DOCK7: variants seen among roughly 807,000 people sequenced by gnomAD.
DOCK7 encodes the protein dedicator of cytokinesis protein 7.
A neutral mutation model predicts 271.0 loss-of-function variants in DOCK7; 138 were observed. The ratio of observed to expected loss-of-function variants is 0.51; its 90% CI spans 0.44 to 0.59. DOCK7 has a LOEUF of 0.59. DOCK7 is among the 20% of genes least tolerant of loss of function. The probability of loss-of-function intolerance (pLI) is 0.00; values close to 1 mark genes in which losing one functional copy is unlikely to be tolerated. For synonymous variants in DOCK7, 823 were observed against 876.1 expected (o/e 0.94, Z 1.07); for missense variants, 2,066 against 2,592.4 (o/e 0.80, Z 4.41).
At position 62,637,358 on chromosome 1, in the gene DOCK7, T is replaced by C. The variant is rs538769675; in HGVS notation, c.819-755A>G. Among the ~76,000 whole-genome samples, 3 of 152,300 alleles carry C rather than the reference T, an allele frequency of 2.0e-5. 1 individual carries two copies. The highest frequency in any genetic ancestry group is 7.2e-5 in the African/African-American group (3 of 41,568). Reference sequence around the variant, plus strand: ...TAAATATTTGTTGAATGAAATAATATATAATGTGAGGTTAACTAAAACTCT... The same window carrying C: ...TAAATATTTGTTGAATGAAATAATACATAATGTGAGGTTAACTAAAACTCT... On this transcript the variant is annotated intron_variant, in intron 7 of 49. Coordinates refer to ENST00000635253, the MANE Select transcript of DOCK7 (RefSeq NM_001367561.1).
At chr1:62,497,472 A>T (rs891781454) in intron 37 of DOCK7, among the ~76,000 whole-genome samples, 4 of 152,090 alleles carry the variant, frequency 2.6e-5, no homozygotes, top group African/African-American at 9.7e-5. Context: ...TTGATTATCT[A>T]AAAAAGTGAT....
chr1:62,670,782 A>G (rs1659895465), intron 1 of DOCK7, among the ~76,000 whole-genome samples: 1 of 152,204 alleles, frequency 6.6e-6, no homozygotes, highest in Non-Finnish European at 1.5e-5. Flanking sequence ...TCTACCAATC[A>G]GCAGGATGTG....
At chr1:62,494,146 C>T (rs2149298199) in intron 40 of DOCK7, 129 bp downstream of exon 40, 1 of 736,938 alleles carries the variant, frequency 1.4e-6, no homozygotes. Flanking sequence ...AATGTTAATT[C>T]ACCTTGTGAA....
intron 18 of DOCK7, among the ~76,000 whole-genome samples, chr1:62,563,863 C>CAAAAAAAAAAAAAAA (rs71045848): frequency 2.6e-5 from 1 of 38,842 alleles, no homozygotes; most frequent in African/African-American, 1.0e-4. Context: ...ATTTACCAAG[C>CAAAAAAAAAAAAAAA]AAAAAAAAAA....
intron 8 of DOCK7, chr1:62,635,544 A>T (rs542937387): frequency 9.0e-4 from 137 of 152,090 alleles, no homozygotes; most frequent in African/African-American, 3.2e-3. Context: ...TCAAAAAAAA[A>T]AAAAAGTAAC....
At chr1:62,611,999 A>G (rs1392353322) in intron 14 of DOCK7, among the ~76,000 whole-genome samples, 1 of 151,736 alleles carries the variant, frequency 6.6e-6, no homozygotes, top group Admixed American at 6.6e-5. Flanking sequence ...ACAAAAAAAA[A>G]AAAAAAATTA....
At chr1:62,601,192 T>C in intron 14 of DOCK7, 1 of 1,588,752 alleles carries the variant, frequency 6.3e-7, no homozygotes, top group South Asian at 1.1e-5. Context: ...ATGTAAAACA[T>C]GATGGTAAGA....
chr1:62,555,066 A>G lies in DOCK7; in HGVS notation c.2596+759T>C, dbSNP rs147097506. 5.0e-3 allele frequency among the ~76,000 whole-genome samples: 757 copies of G among 152,356 alleles called. 3 individuals carry two copies. The highest frequency in any genetic ancestry group is 0.017 in the African/African-American group (713 of 41,588). On this transcript the variant is annotated intron_variant, in intron 21 of 49. Coordinates refer to ENST00000635253, the MANE Select transcript of DOCK7 (RefSeq NM_001367561.1). ...GTGAGTAGGTTAAATGATACGCACAACATAATCATTAGTTAGTTAAATGAA... is the reference window on the plus strand; with the variant it reads ...GTGAGTAGGTTAAATGATACGCACAGCATAATCATTAGTTAGTTAAATGAA...
chr1:62,617,383 T>C (rs919572890), intron 14 of DOCK7, among the ~76,000 whole-genome samples: 6 of 151,990 alleles, frequency 3.9e-5, no homozygotes, highest in African/African-American at 1.2e-4. Context: ...GAATGAATGA[T>C]TTGATTTACA....
chr1:62,553,429 G>A (rs1452689729), intron 21 of DOCK7, among the ~76,000 whole-genome samples: 1 of 129,448 alleles, frequency 7.7e-6, no homozygotes, highest in Non-Finnish European at 1.5e-5. Flanking sequence ...GGCAGCACTG[G>A]AGTGCAGCAG....
At chr1:62,468,732 A>G (rs1645749978) in intron 48 of DOCK7, among the ~76,000 whole-genome samples, 1 of 152,180 alleles carries the variant, frequency 6.6e-6, no homozygotes, top group Non-Finnish European at 1.5e-5. Context: ...ATACAAAATT[A>G]ATGTACATTA....
chr1:62,684,432 T>A (rs1365197744), intron 1 of DOCK7, among the ~76,000 whole-genome samples: 1 of 152,204 alleles, frequency 6.6e-6, no homozygotes. Flanking sequence ...CACTTACACA[T>A]GTATTAACTC....
At chr1:62,592,905 T>C (rs1487462916) in intron 14 of DOCK7, among the ~76,000 whole-genome samples, 1 of 152,194 alleles carries the variant, frequency 6.6e-6, no homozygotes, top group Non-Finnish European at 1.5e-5. Flanking sequence ...TGAAAATATT[T>C]ATATACATAC....
chr1:62,644,476 T>C (rs531030750), intron 7 of DOCK7, among the ~76,000 whole-genome samples: 12 of 152,318 alleles, frequency 7.9e-5, no homozygotes, highest in Non-Finnish European at 1.5e-4. Flanking sequence ...TTGTAGCCCA[T>C]TAAAACCAGG....
chr1:62,554,428 C>T lies in DOCK7; in HGVS notation c.2596+1397G>A, dbSNP rs935006557. On this transcript the variant is annotated intron_variant, in intron 21 of 49. Coordinates refer to ENST00000635253, the MANE Select transcript of DOCK7 (RefSeq NM_001367561.1). ...CGGAGCTTGCAGTGAGCCAATATTGCGCCATTGCACTCCAGCCTGGGCAAC... is the reference window on the plus strand; with the variant it reads ...CGGAGCTTGCAGTGAGCCAATATTGTGCCATTGCACTCCAGCCTGGGCAAC... 9.2e-5 allele frequency among the ~76,000 whole-genome samples: 11 copies of T among 119,766 alleles called. No homozygotes were observed. The South Asian group carries it at 1.1e-3, about 12-fold the overall frequency. 78.6% of individuals were successfully genotyped at this position (119,766 alleles called of 152,430 possible). A position where few individuals can be genotyped will look rare whatever the true frequency, so the allele number is the denominator to read the frequency against.
chr1:62,555,138 A>T (rs1212719119), intron 21 of DOCK7, among the ~76,000 whole-genome samples: 1 of 152,184 alleles, frequency 6.6e-6, no homozygotes, highest in Admixed American at 6.5e-5. Flanking sequence ...CGTTACCTCC[A>T]CTATCACCAG....
intron 43 of DOCK7, chr1:62,478,657 C>T (rs144452482): frequency 0.037 from 5,698 of 152,244 alleles, 186 homozygotes; most frequent in Non-Finnish European, 0.055. Context: ...AGGTGATCTA[C>T]CCACCTCAGC....
chr1:62,570,854 T>C (rs1054185031), intron 18 of DOCK7, among the ~76,000 whole-genome samples: 4 of 152,176 alleles, frequency 2.6e-5, no homozygotes, highest in Admixed American at 6.6e-5. Flanking sequence ...GCTAGCCATA[T>C]GCAGAAAACT....
intron 1 of DOCK7, among the ~76,000 whole-genome samples, chr1:62,670,158 G>T (rs1359777506): frequency 1.3e-5 from 2 of 152,236 alleles, no homozygotes; most frequent in African/African-American, 4.8e-5. Flanking sequence ...AGCCCGCCAT[G>T]CCTGAGCCTC....
Sources: gnomAD v4.1 joint callset for allele counts (sites outside exome capture counted in the v4.1 genomes callset) on GRCh38, gnomAD v4.1.1 for gene constraint, MANE v1.5 for transcripts, NCBI Gene and HGNC (gene_info 2026-07-23, HGNC 2026-07-21) for gene names.